The following DOCK4 variants were observed in gnomAD, a reference collection of about 807,000 sequenced individuals.
DOCK4 encodes dedicator of cytokinesis protein 4.
DOCK4 carries 97 observed loss-of-function variants against 268.1 expected under a neutral mutation model. The observed-to-expected ratio is 0.36, with a 90% CI of 0.31 to 0.43. The LOEUF is 0.43. Among genes scored for constraint, DOCK4 ranks in the 20% least tolerant of loss-of-function variants. The pLI is 1.00. For missense variants in DOCK4, 2,145 were observed against 2,455.7 expected (o/e 0.87, Z 2.67); for synonymous variants, 954 against 887.2 (o/e 1.08, Z -1.34).
chr7:112,188,961 G>C (rs1404564475), intron 1 of DOCK4, among the ~76,000 whole-genome samples: 1 of 152,198 alleles, frequency 6.6e-6, no homozygotes, highest in African/African-American at 2.4e-5. Flanking sequence ...ATGAGAAAGA[G>C]GGTATCCTTC....
chr7:111,995,149 G>A (rs568610561), intron 4 of DOCK4, among the ~76,000 whole-genome samples: 2 of 151,080 alleles, frequency 1.3e-5, no homozygotes, highest in African/African-American at 4.9e-5. Context: ...CTCCTGCCTT[G>A]GCCTCCCGAG....
intron 36 of DOCK4, among the ~76,000 whole-genome samples, chr7:111,774,445 C>T (rs549186318): frequency 5.9e-5 from 9 of 151,828 alleles, no homozygotes; most frequent in South Asian, 4.2e-4. Context: ...CCAGCCTGGG[C>T]GACAGAGTGA....
intron 8 of DOCK4, among the ~76,000 whole-genome samples, chr7:111,950,703 G>A (rs1795987369): frequency 1.3e-5 from 2 of 152,076 alleles, no homozygotes; most frequent in African/African-American, 4.8e-5. Context: ...ATGAAACTCT[G>A]CAAAAAGATA....
At chr7:112,180,390 C>T (rs1218517836) in intron 1 of DOCK4, among the ~76,000 whole-genome samples, 1 of 152,144 alleles carries the variant, frequency 6.6e-6, no homozygotes, top group Non-Finnish European at 1.5e-5. Flanking sequence ...CAACTTTTAC[C>T]CCGACAGGTC....
intron 1 of DOCK4, among the ~76,000 whole-genome samples, chr7:112,181,231 A>T (rs922022100): frequency 1.3e-5 from 2 of 152,222 alleles, no homozygotes; most frequent in Non-Finnish European, 2.9e-5. Flanking sequence ...TTTAGTATGC[A>T]TCCCATTTGA....
intron 44 of DOCK4, among the ~76,000 whole-genome samples, chr7:111,744,146 C>T (rs1263394447): frequency 6.6e-6 from 1 of 152,174 alleles, no homozygotes; most frequent in Non-Finnish European, 1.5e-5. Flanking sequence ...ATTGCTTCCT[C>T]AGTATGGGAT....
At chr7:111,752,714 GTAGCTGGGA>G (rs1563454307) in intron 42 of DOCK4, among the ~76,000 whole-genome samples, 61 of 149,936 alleles carry the variant, frequency 4.1e-4, no homozygotes, top group Middle Eastern at 3.4e-3. Flanking sequence ...AGCCTCCCAA[GTAGCTGGGA>G]CTACAGGTGC....
intron 12 of DOCK4, among the ~76,000 whole-genome samples, chr7:111,926,495 A>AAAGAAAAAAAGAAGG (rs1308007215): frequency 3.5e-4 from 52 of 148,844 alleles, no homozygotes; most frequent in Non-Finnish European, 7.3e-4. Flanking sequence ...AGAAAGAAAC[A>AAAGAAAAAAAGAAGG]AAGAAAAAAA....
rs1030828442 is a variant in DOCK4, at chr7:111,918,381, G to C, written c.1067-2477C>G. ...CCCCACCCCATTCACTCTGAGTTAG[G>C]TGACCGATGACAATAAAATGGAGAG... On this transcript the variant is annotated intron_variant, in intron 12 of 52. Transcript: ENST00000428084. Among the ~76,000 whole-genome samples the C allele has an allele frequency of 6.6e-5, 10 of 152,278 alleles. No individual in the cohort carries two copies. The East Asian group carries it at 1.7e-3, about 26-fold the overall frequency.
intron 1 of DOCK4, among the ~76,000 whole-genome samples, chr7:112,190,040 A>G (rs1322715904): frequency 6.6e-6 from 1 of 152,134 alleles, no homozygotes; most frequent in East Asian, 1.9e-4. Context: ...GGGGGTTGCC[A>G]GGCCCCAGTC....
rs1431131594 is a variant in DOCK4 at position 111,737,097 on chromosome 7, T to C, written c.5233-108A>G. The C allele has an allele frequency of 6.4e-6, 6 of 941,006 alleles. No individual in the cohort carries two copies. In the African/African-American group the frequency reaches 1.0e-4, roughly 16 times the overall value. The allele number at this position is 941,006 out of a possible 1,614,324, so 58.3% of individuals were successfully genotyped here. On this transcript the variant is annotated intron_variant, in intron 49 of 52. Transcript: ENST00000428084. ...AGTAAAACTTTTTGTTCAAAATAATTTTTGTGTGATATGATGAGCCTAGGA... is the reference window on the plus strand; with the variant it reads ...AGTAAAACTTTTTGTTCAAAATAATCTTTGTGTGATATGATGAGCCTAGGA...
chr7:111,740,349 C>G (rs1251617947), intron 47 of DOCK4: 2 of 194,950 alleles, frequency 1.0e-5, no homozygotes, highest in African/African-American at 4.8e-5. Context: ...GATTCGCTCA[C>G]CTCGGCCTCC....
intron 31 of DOCK4, chr7:111,789,016 GC>G: frequency 4.1e-6 from 2 of 487,904 alleles, no homozygotes; most frequent in Middle Eastern, 5.5e-4. Context: ...AATGCTTGCA[GC>G]CCAGTTTAAA....
chr7:112,062,177 T>C (rs993904264), intron 1 of DOCK4, among the ~76,000 whole-genome samples: 1 of 152,168 alleles, frequency 6.6e-6, no homozygotes, highest in East Asian at 1.9e-4. Context: ...TCCTAAGATA[T>C]AGGATGTCCT....
intron 1 of DOCK4, among the ~76,000 whole-genome samples, chr7:112,066,698 T>TAC (rs1563052224): frequency 1.3e-4 from 4 of 30,030 alleles, no homozygotes; most frequent in Non-Finnish European, 3.4e-4. Context: ...TACATATATA[T>TAC]ATATATATAT....
At chr7:112,063,525 T>C (rs775059854) in intron 1 of DOCK4, among the ~76,000 whole-genome samples, 3 of 152,218 alleles carry the variant, frequency 2.0e-5, no homozygotes, top group Non-Finnish European at 4.4e-5. Context: ...GTGTGGAATA[T>C]GTCATGTAAG....
At chr7:111,927,293 T>C (rs1655078472) in intron 12 of DOCK4, among the ~76,000 whole-genome samples, 1 of 152,228 alleles carries the variant, frequency 6.6e-6, no homozygotes. Flanking sequence ...AAGGCTTTTA[T>C]GTTTTCTCTA....
intron 22 of DOCK4, among the ~76,000 whole-genome samples, chr7:111,863,896 A>C (rs1042961602): frequency 6.6e-6 from 1 of 152,212 alleles, no homozygotes; most frequent in African/African-American, 2.4e-5. Context: ...CCTGGATTGT[A>C]GTCAGTTATA....
chr7:112,113,734 A>ATTTTTTTTT (rs57672966), intron 1 of DOCK4, among the ~76,000 whole-genome samples: 13 of 49,548 alleles, frequency 2.6e-4, no homozygotes, highest in Admixed American at 3.5e-4. Flanking sequence ...TACTTGGCTG[A>ATTTTTTTTT]TTTTTTTTTT....
Sources: gnomAD v4.1 joint callset for allele counts (sites outside exome capture counted in the v4.1 genomes callset) on GRCh38, gnomAD v4.1.1 for gene constraint, MANE v1.5 for transcripts, NCBI Gene and HGNC (gene_info 2026-07-23, HGNC 2026-07-21) for gene names.